ATP23: variants seen among roughly 807,000 people sequenced by gnomAD.
ATP23 encodes the protein ATP23 metallopeptidase and ATP synthase assembly factor homolog.
Under a neutral mutation model 28.5 loss-of-function variants are expected in ATP23, and 24 were observed. That is an observed-to-expected ratio of 0.84 (90% CI 0.61 to 1.18). ATP23 has a LOEUF of 1.18. ATP23 is among the 50% of genes most tolerant of loss of function. The pLI is 0.00. For missense variants in ATP23, 274 were observed against 306.4 expected (o/e 0.89, Z 0.79); for synonymous variants, 99 against 108.6 (o/e 0.91, Z 0.55).
At position 57,947,037 on chromosome 12, in the gene ATP23, T is replaced by A; in HGVS notation, c.276T>A (p.Asn92Lys). Residue 92 changes from asparagine (N) to lysine (K), a missense_variant, in exon 3 of 6, where the codon AAT (asparagine) becomes AAA (lysine). Physicochemically the swap from Asn to Lys is moderately conservative, Grantham distance 94 (BLOSUM62 0). Coordinates refer to ENST00000300145, the MANE Select transcript of ATP23 (RefSeq NM_033276.4). Reference sequence around the variant, plus strand: ...GACACTTTTCTTGCGAAGACTGTAATGGAAATGTCAGTGGAGGTTTTGATG... The same window carrying A: ...GACACTTTTCTTGCGAAGACTGTAAAGGAAATGTCAGTGGAGGTTTTGATG... ...KDRHFSCEDC[N>K]GNVSGGFDAS... The A allele has an allele frequency of 1.9e-6, 3 of 1,614,120 alleles. No individual in the cohort carries two copies. The highest frequency in any genetic ancestry group is 2.2e-5 in the South Asian group (2 of 91,062).
At chr12:57,951,993 TCTAC>T in intron 4 of ATP23, 98 bp downstream of exon 4, 1 of 1,451,382 alleles carries the variant, frequency 6.9e-7, no homozygotes, top group Non-Finnish European at 9.4e-7. Context: ...CTGTCATAGT[TCTAC>T]CTTAGTCTTG....
chr12:57,942,373 C>T (rs562208011), intron 1 of ATP23, among the ~76,000 whole-genome samples: 9 of 151,658 alleles, frequency 5.9e-5, no homozygotes, highest in African/African-American at 2.2e-4. Context: ...GTAGAAATCC[C>T]TGAAATGGTC....
rs1169065629 is a variant in ATP23 at position 57,958,014 on chromosome 12, C to A, written c.*1124C>A. Reference sequence around the variant, plus strand: ...GTTTTCAAGCCTGTCTCACCCACCACCTGGAAGCAGACTTGGGGCTGTGGT... The same window carrying A: ...GTTTTCAAGCCTGTCTCACCCACCAACTGGAAGCAGACTTGGGGCTGTGGT... On this transcript the variant is annotated 3_prime_UTR_variant, in exon 6 of 6. Transcript: ENST00000300145. Among the ~76,000 whole-genome samples, 1 of 152,206 alleles carries A rather than the reference C, an allele frequency of 6.6e-6. No homozygotes were observed. Among genetic ancestry groups the A allele is most frequent in the Non-Finnish European group, 1.5e-5 (1 of 68,032 alleles).
intron 1 of ATP23, among the ~76,000 whole-genome samples, chr12:57,943,667 C>T (rs949277276): frequency 3.3e-5 from 5 of 149,340 alleles, no homozygotes; most frequent in East Asian, 2.0e-4. Context: ...GGCAACAGAG[C>T]GAGACCCTGT....
rs1243602781 is a variant in ATP23, at chr12:57,953,685, AC to A, written c.535del (p.Gln179ArgfsTer22). ...TTACATTTTGGATTAAAACAACACC[AC>A]CAGGTAAAAACTAATATGAAATCAC... ...FRLHFGLKQH[H>X]QTCVRDRATL... is the part of the protein sequence containing the mutation. On this transcript the variant is annotated frameshift_variant, in exon 5 of 6. Coordinates refer to ENST00000300145, the MANE Select transcript of ATP23 (RefSeq NM_033276.4). LOFTEE classifies it high-confidence loss of function. 6.2e-7 allele frequency: 1 copy of A among 1,613,552 alleles called. No homozygotes were observed. Among genetic ancestry groups the A allele is most frequent in the Admixed American group, 1.7e-5 (1 of 60,012 alleles).
At chr12:57,945,152 T>C (rs2140528283) in intron 1 of ATP23, among the ~76,000 whole-genome samples, 1 of 152,374 alleles carries the variant, frequency 6.6e-6, no homozygotes, top group Non-Finnish European at 1.5e-5. Context: ...TTGGTATTTG[T>C]ATTAGTGTTT....
chr12:57,945,261 G>A (rs111356122), intron 1 of ATP23, among the ~76,000 whole-genome samples: 2,344 of 151,946 alleles, frequency 0.015, 27 homozygotes, highest in Middle Eastern at 0.027. Flanking sequence ...TTGAGACAGA[G>A]TCACTCTATC....
At chr12:57,953,135 A>G (rs1301550257) in intron 4 of ATP23, among the ~76,000 whole-genome samples, 2 of 152,196 alleles carry the variant, frequency 1.3e-5, no homozygotes. Context: ...TGGGAGGGGC[A>G]TATTCTCAAA....
chr12:57,955,110 T>C (rs1956853191), intron 5 of ATP23, among the ~76,000 whole-genome samples: 1 of 152,106 alleles, frequency 6.6e-6, no homozygotes, highest in Non-Finnish European at 1.5e-5. Context: ...ATAATGTGGT[T>C]AAAGCATGTG....
intron 5 of ATP23, among the ~76,000 whole-genome samples, chr12:57,955,026 G>T (rs1956852334): frequency 6.6e-6 from 1 of 152,118 alleles, no homozygotes; most frequent in South Asian, 2.1e-4. Flanking sequence ...CTTCTCTGGT[G>T]AATTCTGTGT....
rs1175372613 is a variant in ATP23 at position 57,958,708 on chromosome 12, C to T, written c.*1818C>T. 1.3e-5 allele frequency among the ~76,000 whole-genome samples: 2 copies of T among 152,202 alleles called. No homozygotes were observed. The highest frequency in any genetic ancestry group is 2.9e-5 in the Non-Finnish European group (2 of 68,032). The stretch of plus-strand genomic sequence containing the variant: ...GGGGAGGGTATACATCAAGGGAACA[C>T]CCTGTGGGACAAAGGAACCTGAACA... On this transcript the variant is annotated 3_prime_UTR_variant, in exon 6 of 6. Transcript: ENST00000300145.
chr12:57,958,399 A>G lies in ATP23; in HGVS notation c.*1509A>G, dbSNP rs1474001178. On this transcript the variant is annotated 3_prime_UTR_variant, in exon 6 of 6. Transcript: ENST00000300145. Reference sequence around the variant, plus strand: ...CTACCACAACTGATGCTCTCTGGAAAGCGCTACCTCCTGGCAGGAGGCCAG... The same window carrying G: ...CTACCACAACTGATGCTCTCTGGAAGGCGCTACCTCCTGGCAGGAGGCCAG... 6.6e-6 allele frequency among the ~76,000 whole-genome samples: 1 copy of G among 152,198 alleles called. No individual in the cohort carries two copies. Among genetic ancestry groups the G allele is most frequent in the Admixed American group, 6.5e-5 (1 of 15,282 alleles).
Position 57,941,706 on chromosome 12 carries a change from C to A in ATP23, c.5C>A (p.Ala2Glu). 1 of 1,602,492 alleles carries A rather than the reference C, an allele frequency of 6.2e-7. No homozygotes were observed. The highest frequency in any genetic ancestry group is 8.5e-7 in the Non-Finnish European group (1 of 1,175,656). Residue 2 changes from alanine (A) to glutamate (E), a missense_variant, in exon 1 of 6, where the codon GCG becomes GAG. Coordinates refer to ENST00000300145, the MANE Select transcript of ATP23 (RefSeq NM_033276.4). The stretch of plus-strand genomic sequence containing the variant: ...GCGGCGAGGTCTGCGGGAGGCATGG[C>A]GGGAGCTCCGGACGAGCGCCGGCGG... M[A>E]GAPDERRRGP...
intron 3 of ATP23, chr12:57,949,601 C>G (rs1956795651): frequency 6.6e-6 from 1 of 152,380 alleles, no homozygotes; most frequent in African/African-American, 2.4e-5. Flanking sequence ...TCAAGCAATC[C>G]TCCCATCTCA....
rs772574499 is a variant in ATP23, at chr12:57,956,892, C to T, written c.*2C>T. The T allele has an allele frequency of 6.3e-7, 1 of 1,589,158 alleles. No individual in the cohort carries two copies. Among genetic ancestry groups the T allele is most frequent in the Non-Finnish European group, 8.5e-7 (1 of 1,170,554 alleles). Reference sequence around the variant, plus strand: ...GATCGGTATTATTCAAATATATGAGCACAATGACATTTTTATATTACAGAG... The same window carrying T: ...GATCGGTATTATTCAAATATATGAGTACAATGACATTTTTATATTACAGAG... On this transcript the variant is annotated 3_prime_UTR_variant, in exon 6 of 6. Transcript: ENST00000300145.
At chr12:57,949,402 A>G (rs1182830433) in intron 3 of ATP23, among the ~76,000 whole-genome samples, 2 of 152,158 alleles carry the variant, frequency 1.3e-5, no homozygotes, top group Non-Finnish European at 2.9e-5. Context: ...GTCAAAGCTC[A>G]CTTTTAAGAA....
At chr12:57,952,663 AT>A (rs1357934351) in intron 4 of ATP23, among the ~76,000 whole-genome samples, 1 of 152,230 alleles carries the variant, frequency 6.6e-6, no homozygotes, top group African/African-American at 2.4e-5. Context: ...TGAAATTAAT[AT>A]GTAGCCCCCT....
chr12:57,941,735 C>A lies in ATP23; in HGVS notation c.34C>A (p.Pro12Thr). The A allele has an allele frequency of 6.3e-7, 1 of 1,598,386 alleles. No individual in the cohort carries two copies. The highest frequency in any genetic ancestry group is 8.5e-7 in the Non-Finnish European group (1 of 1,173,500). Residue 12 changes from proline to threonine, a missense_variant, in exon 1 of 6, where the codon CCC becomes ACC. Physicochemically the swap from Pro to Thr is conservative, Grantham distance 38 (BLOSUM62 -1). Coordinates refer to ENST00000300145, the MANE Select transcript of ATP23 (RefSeq NM_033276.4). ...AGAPDERRRG[P>T]AAGEQLQQQH... ...AGCTCCGGACGAGCGCCGGCGGGGC[C>A]CCGCGGCAGGGGAGCAGCTGCAGCA... is the stretch of plus-strand genomic sequence containing the variant.
intron 3 of ATP23, among the ~76,000 whole-genome samples, chr12:57,950,280 G>A (rs1487834143): frequency 3.3e-5 from 5 of 152,028 alleles, no homozygotes; most frequent in East Asian, 1.9e-4. Flanking sequence ...CTCACCAGCC[G>A]TATCTGTTGC....
Sources: gnomAD v4.1 joint callset for allele counts (sites outside exome capture counted in the v4.1 genomes callset) on GRCh38, gnomAD v4.1.1 for gene constraint, MANE v1.5 for transcripts, NCBI Gene and HGNC (gene_info 2026-07-23, HGNC 2026-07-21) for gene names.